The following JADE1 variants were observed in gnomAD, a reference collection of about 807,000 sequenced individuals.
The protein encoded by JADE1 is protein Jade-1.
Under a neutral mutation model 81.8 loss-of-function variants are expected in JADE1, and 14 were observed. The ratio of observed to expected loss-of-function variants is 0.17; its 90% CI spans 0.11 to 0.27. The LOEUF (loss-of-function observed/expected upper bound fraction) is 0.27, where lower values mean the gene tolerates loss of function less well. JADE1 is among the 10% of genes least tolerant of loss of function. The pLI is 1.00. For synonymous variants in JADE1, 353 were observed against 391.9 expected, an observed-to-expected ratio of 0.90 and a Z score of 1.17; for missense variants, 690 against 1,047.9, an observed-to-expected ratio of 0.66 and a Z score of 4.71.
In JADE1 at chr4:128,872,373, A is replaced by G. The variant is rs1732259438; in HGVS notation, c.*111A>G. 8.1e-6 allele frequency: 7 copies of G among 867,530 alleles called. No individual in the cohort carries two copies. In the East Asian group the frequency reaches 1.6e-4, roughly 19 times the overall value. 53.7% of individuals were successfully genotyped at this position (867,530 alleles called of 1,614,324 possible). ...CATTAATCCTGAGCTACACAAACACATTTACTTGCAATTCAGATTAATTTT... is the reference window on the plus strand; with the variant it reads ...CATTAATCCTGAGCTACACAAACACGTTTACTTGCAATTCAGATTAATTTT... On this transcript the variant is annotated 3_prime_UTR_variant, in exon 11 of 11. Transcript: ENST00000226319.
intron 1 of JADE1, among the ~76,000 whole-genome samples, chr4:128,819,381 C>G (rs897452896): frequency 6.6e-6 from 1 of 152,142 alleles, no homozygotes; most frequent in Non-Finnish European, 1.5e-5. Context: ...CCTGCCTTAG[C>G]TTCTGGAGTA....
chr4:128,851,713 G>C (rs1420132143), intron 5 of JADE1, among the ~76,000 whole-genome samples: 1 of 152,130 alleles, frequency 6.6e-6, no homozygotes, highest in African/African-American at 2.4e-5. Flanking sequence ...ACTCAGCCTG[G>C]ATCACAGTGG....
chr4:128,852,137 G>A lies in JADE1; in HGVS notation c.565G>A (p.Ala189Thr). 6.2e-7 allele frequency: 1 copy of A among 1,614,166 alleles called. No individual in the cohort carries two copies. The highest frequency in any genetic ancestry group is 8.5e-7 in the Non-Finnish European group (1 of 1,180,008). Residue 189 changes from alanine (A) to threonine (T), a missense_variant, in exon 6 of 11, where the codon GCC becomes ACC. This residue lies in a region of JADE1 where 84 missense variants were observed against 226.6 expected (regional missense o/e 0.37). Transcript: ENST00000226319. ...GCGATGCTACGACAATATGAATCAT[G>A]CCATAGAGACTGAGGAAGGCCTGGG... ...EQRCYDNMNHAIETEEGLGIE... is the reference protein window; with the variant it reads ...EQRCYDNMNHTIETEEGLGIE...
At chr4:128,836,820 TCAGCTCA>T (rs1392595088) in intron 2 of JADE1, among the ~76,000 whole-genome samples, 3 of 149,168 alleles carry the variant, frequency 2.0e-5, no homozygotes, top group Non-Finnish European at 4.4e-5. Flanking sequence ...CATTGCCCGC[TCAGCTCA>T]CAGCTCACTG....
chr4:128,859,690 C>A (rs767850613), intron 8 of JADE1, among the ~76,000 whole-genome samples: 2 of 152,200 alleles, frequency 1.3e-5, no homozygotes, highest in African/African-American at 4.8e-5. Context: ...AGAATTTATG[C>A]CCTTGCCTGA....
At position 128,872,236 on chromosome 4, in the gene JADE1, A is replaced by G. The variant is rs1277294827; in HGVS notation, c.2503A>G (p.Ile835Val). ...SSTISRRTDI[I>V]RRSILAS Reference sequence around the variant, plus strand: ...CACTATCAGCAGAAGGACAGACATTATCAGGAGAAGCATCTTGGCTTCTTG... The same window carrying G: ...CACTATCAGCAGAAGGACAGACATTGTCAGGAGAAGCATCTTGGCTTCTTG... Residue 835 changes from isoleucine (I) to valine (V), a missense_variant, in exon 11 of 11, where the codon ATC (isoleucine) becomes GTC (valine). Ile to Val is a conservative substitution (Grantham distance 29). This residue lies in a region of JADE1 where 218 missense variants were observed against 274.3 expected (regional missense o/e 0.79). Transcript: ENST00000226319. The G allele has an allele frequency of 6.2e-7, 1 of 1,613,970 alleles. No individual in the cohort carries two copies. Among genetic ancestry groups the G allele is most frequent in the Non-Finnish European group, 8.5e-7 (1 of 1,179,818 alleles).
chr4:128,830,025 G>A (rs758952098), intron 1 of JADE1, among the ~76,000 whole-genome samples: 7 of 149,106 alleles, frequency 4.7e-5, no homozygotes, highest in Non-Finnish European at 8.9e-5. Flanking sequence ...TTACAGATGC[G>A]CGCCACCACG....
chr4:128,836,398 T>A (rs1373927116), intron 2 of JADE1, among the ~76,000 whole-genome samples: 3 of 151,978 alleles, frequency 2.0e-5, no homozygotes, highest in Non-Finnish European at 4.4e-5. Context: ...GAAATATATA[T>A]GTATATATAT....
intron 9 of JADE1, chr4:128,863,640 T>G (rs970728506): frequency 5.1e-6 from 5 of 985,408 alleles, no homozygotes; most frequent in Non-Finnish European, 6.0e-6. Context: ...TGGAGCAGTT[T>G]TGTGAGGCTT....
At chr4:128,858,652 G>C (rs1389335952) in intron 8 of JADE1, among the ~76,000 whole-genome samples, 1 of 150,920 alleles carries the variant, frequency 6.6e-6, no homozygotes, top group Non-Finnish European at 1.5e-5. Context: ...GCCCAAGCTG[G>C]AGTGCAGTGG....
chr4:128,846,331 A>G lies in JADE1; in HGVS notation c.139-44A>G. ...TGCAGCTGCCAGCACTCTGAATAAG[A>G]ATGCAAATATCAAATGTCAGTGTCC... On this transcript the variant is annotated intron_variant, in intron 3 of 10. Coordinates refer to ENST00000226319, the MANE Select transcript of JADE1 (RefSeq NM_199320.4). This position sits in a 1 kb window ranked among gnomAD's most constrained non-coding sequence, Gnocchi z 4.0. 6.3e-7 allele frequency: 1 copy of G among 1,593,928 alleles called. No homozygotes were observed. Among genetic ancestry groups the G allele is most frequent in the African/African-American group, 1.3e-5 (1 of 74,658 alleles).
At chr4:128,811,675 C>T (rs1329691996) in intron 1 of JADE1, among the ~76,000 whole-genome samples, 6 of 146,816 alleles carry the variant, frequency 4.1e-5, no homozygotes, top group Non-Finnish European at 1.5e-5. Context: ...CGGCCCGCCG[C>T]GCCCGCCCCG....
Position 128,874,423 on chromosome 4 carries a change from T to TC in JADE1, c.*2165dup, listed in dbSNP as rs1236168057. ...CAAAAATAATGCCTTACCTGTTTTT[T>TC]CCCCACATTTAGGTTGAAAAGCTTT... On this transcript the variant is annotated 3_prime_UTR_variant, in exon 11 of 11. Transcript: ENST00000226319. 1 of 152,374 alleles carries TC rather than the reference T, an allele frequency of 6.6e-6. No homozygotes were observed. The highest frequency in any genetic ancestry group is 1.5e-5 in the Non-Finnish European group (1 of 68,004). The allele number at this position is 152,374 out of a possible 1,614,324, so 9.4% of individuals were successfully genotyped here.
At chr4:128,827,014 C>G (rs983998533) in intron 1 of JADE1, among the ~76,000 whole-genome samples, 5 of 152,156 alleles carry the variant, frequency 3.3e-5, no homozygotes, top group African/African-American at 1.2e-4. Context: ...GGCCTGTCTT[C>G]AAGAATAATC....
intron 6 of JADE1, among the ~76,000 whole-genome samples, chr4:128,852,837 A>T (rs567255784): frequency 6.6e-6 from 1 of 152,040 alleles, no homozygotes; most frequent in South Asian, 2.1e-4. Context: ...TGATTTGGGC[A>T]ATCTTGGGCA....
chr4:128,818,647 C>T (rs539910539), intron 1 of JADE1, among the ~76,000 whole-genome samples: 29 of 152,220 alleles, frequency 1.9e-4, no homozygotes, highest in East Asian at 1.2e-3. Flanking sequence ...TATGGTCTGT[C>T]GCAACTGCTC....
At chr4:128,824,001 A>C (rs947940716) in intron 1 of JADE1, among the ~76,000 whole-genome samples, 1 of 152,252 alleles carries the variant, frequency 6.6e-6, no homozygotes, top group Non-Finnish European at 1.5e-5. Context: ...CATAGAAGAC[A>C]AAAGTGACCA....
In JADE1 at chr4:128,871,814, A is replaced by T. The variant is rs377294845; in HGVS notation, c.2081A>T (p.His694Leu). ...PLRSTDVSQR[H>L]LDNTRAATSP... ...AGGTCCACAGATGTGTCCCAGAGGCATCTGGACAACACAAGAGCTGCCACC... is the reference window on the plus strand; with the variant it reads ...AGGTCCACAGATGTGTCCCAGAGGCTTCTGGACAACACAAGAGCTGCCACC... The change falls in exon 11 of 11, where the codon CAT becomes CTT. Residue 694 changes from histidine (H) to leucine (L), a missense_variant. Transcript: ENST00000226319. The surrounding 1 kb of genome is among the most constrained non-coding windows in gnomAD (Gnocchi z 4.1). 2.6e-5 allele frequency: 42 copies of T among 1,614,058 alleles called. No individual in the cohort carries two copies. The highest frequency in any genetic ancestry group is 3.4e-5 in the Non-Finnish European group (40 of 1,180,012).
At chr4:128,864,483 C>A in intron 9 of JADE1, 1 of 985,368 alleles carries the variant, frequency 1.0e-6, no homozygotes, top group Non-Finnish European at 1.2e-6. Context: ...AAAAAATACG[C>A]TACCCAAAAT....
Sources: gnomAD v4.1 joint callset for allele counts (sites outside exome capture counted in the v4.1 genomes callset) on GRCh38, gnomAD v4.1.1 for gene constraint, gnomAD v4.1.1 regional missense constraint, Gnocchi (gnomAD v3.1) non-coding constraint, MANE v1.5 for transcripts, NCBI Gene and HGNC (gene_info 2026-07-23, HGNC 2026-07-21) for gene names.